RHBG: variants seen among roughly 807,000 people sequenced by gnomAD.
RHBG encodes ammonium transporter Rh type B.
In RHBG, 39 loss-of-function variants were observed where a neutral mutation model predicts 40.1. That is an observed-to-expected ratio of 0.97 (90% CI 0.75 to 1.27). RHBG has a LOEUF of 1.27. Ranked by LOEUF, RHBG falls within the 50% of genes most tolerant of loss-of-function variation. RHBG has a pLI of 0.00. For missense variants in RHBG, 549 were observed against 588.1 expected (o/e 0.93, Z 0.69); for synonymous variants, 237 against 252.5 (o/e 0.94, Z 0.58).
chr1:156,383,859 G>A (rs1406075787), intron 8 of RHBG, among the ~76,000 whole-genome samples: 1 of 124,962 alleles, frequency 8.0e-6, no homozygotes, highest in Non-Finnish European at 1.6e-5. Flanking sequence ...TTGAGACGGA[G>A]TTTCGCTCTT....
At position 156,381,959 on chromosome 1, in the gene RHBG, G is replaced by A. The variant is rs1269634618; in HGVS notation, c.978+16G>A. ...GTTCTTCACGGTATAGATGCCTCTT[G>A]GAGCCTGGGCAGAACATGGAGTCTT... On this transcript the variant is annotated intron_variant, in intron 6 of 9. Coordinates refer to ENST00000537040, the MANE Select transcript of RHBG (RefSeq NM_020407.5). 1 of 1,611,084 alleles carries A rather than the reference G, an allele frequency of 6.2e-7. No homozygotes were observed. Among genetic ancestry groups the A allele is most frequent in the Non-Finnish European group, 8.5e-7 (1 of 1,179,412 alleles).
intron 8 of RHBG, among the ~76,000 whole-genome samples, chr1:156,383,828 A>ATTTTTTT: frequency 9.8e-6 from 1 of 101,834 alleles, no homozygotes; most frequent in Non-Finnish European, 1.8e-5. Flanking sequence ...CGCCCGGCCT[A>ATTTTTTT]TTTTTTTTTT....
At chr1:156,382,323 G>T (rs772822382) in intron 7 of RHBG, 122 bp downstream of exon 7, 2 of 1,514,084 alleles carry the variant, frequency 1.3e-6, no homozygotes, top group South Asian at 2.3e-5. Flanking sequence ...TATTCTGGGA[G>T]CAAAGGAAAT....
At chr1:156,382,283 G>A in intron 7 of RHBG, 82 bp downstream of exon 7, 1 of 1,587,934 alleles carries the variant, frequency 6.3e-7, no homozygotes, top group Non-Finnish European at 8.6e-7. Context: ...GTGTGACCAA[G>A]AAAAAAGAAT....
chr1:156,370,510 G>A (rs1304100995), intron 1 of RHBG, among the ~76,000 whole-genome samples: 1 of 149,014 alleles, frequency 6.7e-6, no homozygotes, highest in Admixed American at 6.8e-5. Context: ...TACTTGGGAG[G>A]CTGAGGCAGG....
chr1:156,384,395 CTG>C (rs771157375), intron 8 of RHBG, 130 bp from the exon 9 acceptor site: 6 of 813,568 alleles, frequency 7.4e-6, no homozygotes, highest in Middle Eastern at 2.2e-4. Flanking sequence ...ACAAATACTG[CTG>C]TGTTTTGCCT....
chr1:156,370,614 CAAAAAAAAAAAAA>C (rs59248542), intron 1 of RHBG, among the ~76,000 whole-genome samples: 1 of 66,068 alleles, frequency 1.5e-5, no homozygotes, highest in African/African-American at 6.2e-5. Context: ...GACTCTGTCT[CAAAAAAAAAAAAA>C]AAAAAAAAAA....
intron 4 of RHBG, 41 bp from the exon 5 acceptor site, chr1:156,381,306 C>T: frequency 2.5e-6 from 4 of 1,606,902 alleles, no homozygotes; most frequent in Non-Finnish European, 3.4e-6. Flanking sequence ...GCGTGGGAGT[C>T]ACTTCCTTCT....
At chr1:156,373,333 G>A (rs1201257666) in intron 1 of RHBG, among the ~76,000 whole-genome samples, 1 of 152,048 alleles carries the variant, frequency 6.6e-6, no homozygotes, top group Non-Finnish European at 1.5e-5. Context: ...GGCTGAGGAG[G>A]GAAGATTGCT....
chr1:156,377,585 A>C lies in RHBG; in HGVS notation c.374+98A>C. Reference sequence around the variant, plus strand: ...CCCTGTCCTTCAAGTCTGCTTCCTGACTCACGATTCTGGGCGTCACTTGGT... The same window carrying C: ...CCCTGTCCTTCAAGTCTGCTTCCTGCCTCACGATTCTGGGCGTCACTTGGT... On this transcript the variant is annotated intron_variant, in intron 2 of 9. Coordinates refer to ENST00000537040, the MANE Select transcript of RHBG (RefSeq NM_020407.5). This position sits in a 1 kb window ranked among gnomAD's most constrained non-coding sequence, Gnocchi z 4.6. 1.5e-6 allele frequency: 2 copies of C among 1,295,522 alleles called. No homozygotes were observed. Among genetic ancestry groups the C allele is most frequent in the Non-Finnish European group, 2.1e-6 (2 of 950,388 alleles). 80.3% of individuals were successfully genotyped at this position (1,295,522 alleles called of 1,614,324 possible). A position where few individuals can be genotyped will look rare whatever the true frequency, so the allele number is the denominator to read the frequency against.
intron 7 of RHBG, chr1:156,382,532 G>A: frequency 1.4e-6 from 1 of 693,436 alleles, no homozygotes; most frequent in Non-Finnish European, 2.5e-6. Flanking sequence ...GTGCCTAGGT[G>A]TCTGCTGGCC....
Position 156,384,882 on chromosome 1 carries a change from G to A in RHBG, c.*37G>A, listed in dbSNP as rs559371626. 4.4e-6 allele frequency: 6 copies of A among 1,372,944 alleles called. No individual in the cohort carries two copies. Among genetic ancestry groups the A allele is most frequent in the East Asian group, 4.8e-5 (2 of 42,024 alleles). The allele number at this position is 1,372,944 out of a possible 1,614,324, so 85.0% of individuals were successfully genotyped here. A position where few individuals can be genotyped will look rare whatever the true frequency, so the allele number is the denominator to read the frequency against. Reference sequence around the variant, plus strand: ...CCCCTGAGAGGACACGCTCCTTTTCGAAGATGCTGACTGGCTGCTACTAGG... The same window carrying A: ...CCCCTGAGAGGACACGCTCCTTTTCAAAGATGCTGACTGGCTGCTACTAGG... On this transcript the variant is annotated 3_prime_UTR_variant, in exon 10 of 10. Coordinates refer to ENST00000537040, the MANE Select transcript of RHBG (RefSeq NM_020407.5).
chr1:156,384,384 A>T, intron 8 of RHBG, 143 bp from the exon 9 acceptor site: 1 of 787,688 alleles, frequency 1.3e-6, no homozygotes, highest in South Asian at 1.4e-5. Flanking sequence ...GTAGATGCTC[A>T]ACAAATACTG....
At chr1:156,376,579 G>GAC (rs1246076957) in intron 1 of RHBG, among the ~76,000 whole-genome samples, 1 of 152,120 alleles carries the variant, frequency 6.6e-6, no homozygotes, top group Non-Finnish European at 1.5e-5. Flanking sequence ...GGCCAGGCTG[G>GAC]TCTTGAACTC....
chr1:156,369,369 C>G lies in RHBG; in HGVS notation c.120C>G (p.Thr40=), dbSNP rs764896867. 2.6e-5 allele frequency: 42 copies of G among 1,614,088 alleles called. No individual in the cohort carries two copies. Among genetic ancestry groups the G allele is most frequent in the Non-Finnish European group, 3.4e-5 (40 of 1,180,026 alleles). The change falls in exon 1 of 10, where the codon ACC becomes ACG. Residue 40 remains threonine, a synonymous_variant. Coordinates refer to ENST00000537040, the MANE Select transcript of RHBG (RefSeq NM_020407.5). The part of the protein sequence containing the change: ...FAVFVRYNHK[T]DAALWHRSNH... ...TCTTTGTCCGCTACAACCACAAAAC[C>G]GACGCTGCCCTCTGGCACCGGAGCA...
At position 156,378,303 on chromosome 1, in the gene RHBG, G is replaced by T; in HGVS notation, c.577G>T (p.Gly193Trp). The stretch of plus-strand genomic sequence containing the variant: ...TATCCACACCTTTGGTGCCTACTTC[G>T]GGCTCGTCCTTTCGCGGGTTCTGTA... ...MTIHTFGAYF[G>W]LVLSRVLYRP... The change falls in exon 4 of 10, where the codon GGG becomes TGG. Residue 193 changes from glycine to tryptophan, a missense_variant. By Grantham distance (184) the Gly-to-Trp change is radical (BLOSUM62 -2). This residue lies in a region of RHBG where 399 missense variants were observed against 417.0 expected (regional missense o/e 0.96). Transcript: ENST00000537040. 1 of 1,613,992 alleles carries T rather than the reference G, an allele frequency of 6.2e-7. No individual in the cohort carries two copies. The highest frequency in any genetic ancestry group is 8.5e-7 in the Non-Finnish European group (1 of 1,180,004).
At chr1:156,371,128 T>C (rs1666824290) in intron 1 of RHBG, 1 of 429,638 alleles carries the variant, frequency 2.3e-6, no homozygotes, top group Non-Finnish European at 4.6e-6. Context: ...GAGTCTCCTA[T>C]TAAAAATTTC....
chr1:156,382,343 C>A, intron 7 of RHBG, 142 bp downstream of exon 7: 2 of 1,283,298 alleles, frequency 1.6e-6, no homozygotes, highest in Non-Finnish European at 2.2e-6. Flanking sequence ...TTGGAGTTAA[C>A]AAAACCAACC....
chr1:156,383,677 T>C (rs1157208660), intron 8 of RHBG, among the ~76,000 whole-genome samples: 2 of 152,036 alleles, frequency 1.3e-5, no homozygotes, highest in Non-Finnish European at 1.5e-5. Flanking sequence ...CCCGCCACCA[T>C]GCTGGGCTTA....
Sources: gnomAD v4.1 joint callset for allele counts (sites outside exome capture counted in the v4.1 genomes callset) on GRCh38, gnomAD v4.1.1 for gene constraint, gnomAD v4.1.1 regional missense constraint, Gnocchi (gnomAD v3.1) non-coding constraint, MANE v1.5 for transcripts, NCBI Gene and HGNC (gene_info 2026-07-23, HGNC 2026-07-21) for gene names.